Variants in ANK3 observed in about 807,000 individuals in gnomAD.
The protein encoded by ANK3 is ankyrin 3.
ANK3 carries 57 observed loss-of-function variants against 370.9 expected under a neutral mutation model. That is an observed-to-expected ratio of 0.15 (90% confidence interval 0.12 to 0.19). The LOEUF is 0.19. Ranked by LOEUF, ANK3 falls within the 10% of genes least tolerant of loss-of-function variation. The pLI, the probability that ANK3 is intolerant of heterozygous loss-of-function variation, is 1.00. For missense variants in ANK3, 4,439 were observed against 5,302.1 expected (o/e 0.84, Z 5.06); for synonymous variants, 1,929 against 1,946.3 (o/e 0.99, Z 0.23).
chr10:60,485,427 TAC>T (rs2075324323), intron 2 of ANK3, among the ~76,000 whole-genome samples: 1 of 152,234 alleles, frequency 6.6e-6, no homozygotes, highest in Non-Finnish European at 1.5e-5. Flanking sequence ...GGAGATATGT[TAC>T]AGTCATGTGG....
intron 38 of ANK3, among the ~76,000 whole-genome samples, chr10:60,065,129 T>C (rs1033193390): frequency 2.6e-5 from 4 of 152,200 alleles, no homozygotes; most frequent in South Asian, 2.1e-4. Flanking sequence ...GATCATCTTA[T>C]ATGATATGAA....
chr10:60,155,298 T>C (rs1011621981), intron 23 of ANK3, among the ~76,000 whole-genome samples: 9 of 152,166 alleles, frequency 5.9e-5, no homozygotes, highest in Admixed American at 3.9e-4. Flanking sequence ...CAACATTGCA[T>C]TGGAGCTCAG....
At chr10:60,519,392 A>C (rs2076298878) in intron 2 of ANK3, among the ~76,000 whole-genome samples, 1 of 152,164 alleles carries the variant, frequency 6.6e-6, no homozygotes, top group South Asian at 2.1e-4. Context: ...TTATAGCCCA[A>C]TGCTGGTGGA....
chr10:60,669,538 C>A (rs1244775448), intron 1 of ANK3, among the ~76,000 whole-genome samples: 1 of 152,100 alleles, frequency 6.6e-6, no homozygotes, highest in East Asian at 1.9e-4. Context: ...TGATGCTGCC[C>A]TGGGGAATCA....
At chr10:60,085,054 T>TC in intron 31 of ANK3, 103 bp downstream of exon 31, 1 of 974,088 alleles carries the variant, frequency 1.0e-6, no homozygotes, top group Non-Finnish European at 1.5e-6. Flanking sequence ...GGATTTTTTT[T>TC]CTCACAACAA....
intron 9 of ANK3, among the ~76,000 whole-genome samples, chr10:60,211,531 C>T (rs1004547856): frequency 4.6e-5 from 7 of 152,096 alleles, no homozygotes; most frequent in South Asian, 4.2e-4. Context: ...TCTCATTTAA[C>T]GAGGATTAAA....
At chr10:60,459,503 G>T (rs1227163539) in intron 2 of ANK3, among the ~76,000 whole-genome samples, 1 of 152,120 alleles carries the variant, frequency 6.6e-6, no homozygotes, top group Non-Finnish European at 1.5e-5. Flanking sequence ...TCTTTACTCA[G>T]CTATTTTTTT....
intron 2 of ANK3, among the ~76,000 whole-genome samples, chr10:60,497,924 T>C (rs2075701614): frequency 6.6e-6 from 1 of 152,196 alleles, no homozygotes; most frequent in Non-Finnish European, 1.5e-5. Flanking sequence ...AGAACAGAAC[T>C]TTCAGCATCT....
At chr10:60,427,754 G>A (rs910539114) in intron 2 of ANK3, among the ~76,000 whole-genome samples, 1 of 152,206 alleles carries the variant, frequency 6.6e-6, no homozygotes, top group Admixed American at 6.5e-5. Flanking sequence ...CAAAAATACT[G>A]ATGCCATCCA....
chr10:60,070,140 C>T lies in ANK3; in HGVS notation c.10741G>A (p.Asp3581Asn), dbSNP rs1057518261. ...VEDRSPATTP[D>N]TTPARTPTDE... ...GTTGGCGTTCTGGCTGGCGTTGTAT[C>T]AGGGGTTGTTGCTGGAGAGCGGTCT... Residue 3581 changes from aspartate (D) to asparagine (N), a missense_variant, in exon 37 of 44, where the codon GAT becomes AAT. Asp to Asn is a conservative substitution (Grantham distance 23). Transcript: ENST00000280772. The surrounding 1 kb of genome is among the most constrained non-coding windows in gnomAD (Gnocchi z 5.7). The T allele has an allele frequency of 1.2e-6, 2 of 1,614,160 alleles. No homozygotes were observed. The highest frequency in any genetic ancestry group is 1.7e-6 in the Non-Finnish European group (2 of 1,179,996).
intron 1 of ANK3, among the ~76,000 whole-genome samples, chr10:60,667,833 G>A (rs1260271713): frequency 1.3e-5 from 2 of 151,430 alleles, no homozygotes; most frequent in African/African-American, 2.5e-5. Context: ...ATTCTGGAAT[G>A]GCCCTGAATC....
intron 42 of ANK3, among the ~76,000 whole-genome samples, chr10:60,048,417 C>G (rs1036018609): frequency 7.2e-5 from 11 of 152,064 alleles, no homozygotes; most frequent in African/African-American, 2.7e-4. Context: ...TTTAGCCTAG[C>G]AAAAAGGAAT....
At chr10:60,083,390 C>A (rs10994186) in intron 33 of ANK3, 102 bp downstream of exon 33, 4 of 1,241,978 alleles carry the variant, frequency 3.2e-6, no homozygotes, top group African/African-American at 3.1e-5. Context: ...TCAGATTTGA[C>A]GGGGTATTTC....
intron 2 of ANK3, among the ~76,000 whole-genome samples, chr10:60,449,669 C>T (rs569653738): frequency 2.6e-5 from 4 of 152,204 alleles, no homozygotes; most frequent in Admixed American, 6.5e-5. Flanking sequence ...AATAATCATA[C>T]CTGCTTTCAC....
intron 2 of ANK3, among the ~76,000 whole-genome samples, chr10:60,529,768 T>C (rs556590209): frequency 6.6e-6 from 1 of 152,276 alleles, no homozygotes; most frequent in Non-Finnish European, 1.5e-5. Context: ...AGACATTACA[T>C]TAACACCATC....
At position 60,331,379 on chromosome 10, in the gene ANK3, G is replaced by A. The variant is rs956404470; in HGVS notation, c.115-51740C>T. On this transcript the variant is annotated intron_variant, in intron 1 of 43. Coordinates refer to ENST00000280772, the MANE Select transcript of ANK3 (RefSeq NM_020987.5). ...TATTTTTATAAATATGTATCTACAT[G>A]TGTTATACACCAAAATTAAACAGAA... 4.6e-5 allele frequency among the ~76,000 whole-genome samples: 7 copies of A among 152,044 alleles called. No homozygotes were observed. In the South Asian group the frequency reaches 1.2e-3, roughly 27 times the overall value.
At chr10:60,289,098 C>G (rs1363171017) in intron 1 of ANK3, among the ~76,000 whole-genome samples, 1 of 151,998 alleles carries the variant, frequency 6.6e-6, no homozygotes. Flanking sequence ...GATAAGAAGA[C>G]CTAGGGGGGC....
intron 8 of ANK3, among the ~76,000 whole-genome samples, chr10:60,221,236 C>T (rs1223092485): frequency 2.0e-5 from 3 of 151,926 alleles, no homozygotes; most frequent in East Asian, 1.9e-4. Context: ...CCTGCCACCA[C>T]GCCTGGCTAA....
chr10:60,104,379 A>G (rs1251712856), intron 28 of ANK3, among the ~76,000 whole-genome samples: 1 of 122,934 alleles, frequency 8.1e-6, no homozygotes, highest in Non-Finnish European at 1.8e-5. Context: ...AAAAAAAAAA[A>G]AAAAAAAAAA....
Sources: gnomAD v4.1 joint callset for allele counts (sites outside exome capture counted in the v4.1 genomes callset) on GRCh38, gnomAD v4.1.1 for gene constraint, Gnocchi (gnomAD v3.1) non-coding constraint, MANE v1.5 for transcripts, NCBI Gene and HGNC (gene_info 2026-07-23, HGNC 2026-07-21) for gene names.